Variants in PTPN9 observed in about 807,000 individuals in gnomAD.
PTPN9 encodes tyrosine-protein phosphatase non-receptor type 9.
Under a neutral mutation model 69.8 loss-of-function variants are expected in PTPN9, and 26 were observed. The observed-to-expected ratio is 0.37, with a 90% confidence interval of 0.27 to 0.52. PTPN9 has a LOEUF of 0.52. Among genes scored for constraint, PTPN9 ranks in the 20% least tolerant of loss-of-function variants. The probability of loss-of-function intolerance (pLI) is 0.91; values close to 1 mark genes in which losing one functional copy is unlikely to be tolerated. For synonymous variants in PTPN9, 274 were observed against 272.5 expected (o/e 1.01, Z -0.05); for missense variants, 549 against 740.3 (o/e 0.74, Z 3.00).
At chr15:75,508,709 A>G (rs1441034526) in intron 6 of PTPN9, among the ~76,000 whole-genome samples, 1 of 152,224 alleles carries the variant, frequency 6.6e-6, no homozygotes, top group East Asian at 1.9e-4. Flanking sequence ...TTTAGTTTTG[A>G]ACTTCAAGAA....
rs1022753206 is a variant in PTPN9, at chr15:75,572,716, G to A, written c.63+5998C>T. Among the ~76,000 whole-genome samples, 182 of 151,528 alleles carry A rather than the reference G, an allele frequency of 1.2e-3. 9 individuals are homozygous for A. The East Asian group carries it at 0.024, about 20-fold the overall frequency. ...AGCGAGACTCTGTCTCAAAAAAAAA[G>A]AAAAAAAGAAAGAAAGAAAAAGAAA... On this transcript the variant is annotated intron_variant, in intron 1 of 12. Transcript: ENST00000618819.
In PTPN9 at chr15:75,509,012, G is replaced by A. The variant is rs764715102; in HGVS notation, c.544C>T (p.Arg182Cys). The change falls in exon 6 of 13, where the codon CGT becomes TGT. Residue 182 changes from arginine to cysteine, a missense_variant. By Grantham distance (180) the Arg-to-Cys change is radical (BLOSUM62 -3). Transcript: ENST00000618819. ...CCCACAATCAGCACCTTCTTCAAAC[G>A]AGCTGGAAATGCTCCCTGTGGAGAA... Reference protein sequence around the residue: ...LNLLKGAFPARLKKVLIVGAP... With the variant: ...LNLLKGAFPACLKKVLIVGAP... The A allele has an allele frequency of 3.1e-5, 50 of 1,613,774 alleles. No individual in the cohort carries two copies. Among genetic ancestry groups the A allele is most frequent in the Non-Finnish European group, 3.7e-5 (44 of 1,179,904 alleles).
At chr15:75,572,360 T>C (rs529189857) in intron 1 of PTPN9, among the ~76,000 whole-genome samples, 28 of 151,816 alleles carry the variant, frequency 1.8e-4, no homozygotes, top group Admixed American at 7.2e-4. Flanking sequence ...ACAATGAAGA[T>C]TAATACTTAT....
chr15:75,484,537 T>G (rs1176784931), intron 8 of PTPN9, among the ~76,000 whole-genome samples: 1 of 152,230 alleles, frequency 6.6e-6, no homozygotes. Flanking sequence ...TCAGTCTTAA[T>G]TACTTCAACA....
chr15:75,577,965 G>A (rs1431428446), intron 1 of PTPN9, among the ~76,000 whole-genome samples: 1 of 152,076 alleles, frequency 6.6e-6, no homozygotes, highest in African/African-American at 2.4e-5. Flanking sequence ...AGTTACAAGG[G>A]CCCCCAAAAT....
chr15:75,483,856 G>A (rs544150671), intron 8 of PTPN9, among the ~76,000 whole-genome samples: 57 of 152,260 alleles, frequency 3.7e-4, no homozygotes, highest in African/African-American at 1.3e-3. Context: ...GGGCAGTCAC[G>A]ACCCAGGCAC....
At chr15:75,484,210 T>C (rs1157645056) in intron 8 of PTPN9, among the ~76,000 whole-genome samples, 1 of 152,204 alleles carries the variant, frequency 6.6e-6, no homozygotes, top group Non-Finnish European at 1.5e-5. Flanking sequence ...GAGTGAACTA[T>C]ATAACTCAAT....
intron 7 of PTPN9, among the ~76,000 whole-genome samples, chr15:75,500,291 G>A (rs1275629010): frequency 2.6e-5 from 4 of 152,052 alleles, no homozygotes; most frequent in Admixed American, 1.3e-4. Context: ...TAGCCTGGCC[G>A]AGAGTGAGAC....
At chr15:75,514,100 C>CAAA (rs71140167) in intron 5 of PTPN9, among the ~76,000 whole-genome samples, 26 of 114,894 alleles carry the variant, frequency 2.3e-4, no homozygotes, top group African/African-American at 7.2e-4. Flanking sequence ...CACTCTGTCT[C>CAAA]AAAAAAAAAA....
At chr15:75,531,745 G>C (rs1463807050) in intron 1 of PTPN9, among the ~76,000 whole-genome samples, 1 of 151,848 alleles carries the variant, frequency 6.6e-6, no homozygotes, top group African/African-American at 2.4e-5. Context: ...ATTTTTAATA[G>C]AGACAGGGTT....
intron 1 of PTPN9, among the ~76,000 whole-genome samples, chr15:75,541,867 G>A (rs139481574): frequency 1.8e-4 from 27 of 151,184 alleles, no homozygotes; most frequent in Non-Finnish European, 5.9e-5. Flanking sequence ...GTGAAACCCC[G>A]TCTCTGCTAA....
chr15:75,495,758 GAA>G (rs981258963), intron 7 of PTPN9, among the ~76,000 whole-genome samples: 1 of 151,662 alleles, frequency 6.6e-6, no homozygotes, highest in Admixed American at 6.6e-5. Flanking sequence ...AAAAACAAAA[GAA>G]AAAGAATGAG....
intron 7 of PTPN9, among the ~76,000 whole-genome samples, chr15:75,500,051 C>T (rs944204596): frequency 1.2e-4 from 18 of 151,996 alleles, no homozygotes; most frequent in Non-Finnish European, 2.2e-4. Flanking sequence ...TGGTGGCTCA[C>T]GCCTGTAATC....
chr15:75,547,426 G>A (rs867607028), intron 1 of PTPN9, among the ~76,000 whole-genome samples: 3 of 151,530 alleles, frequency 2.0e-5, no homozygotes, highest in Non-Finnish European at 2.9e-5. Flanking sequence ...GTGAAACCCC[G>A]TCTCTACTAA....
intron 1 of PTPN9, among the ~76,000 whole-genome samples, chr15:75,547,936 G>T (rs991062216): frequency 1.3e-5 from 2 of 152,164 alleles, no homozygotes; most frequent in Non-Finnish European, 2.9e-5. Context: ...AAAGTGCTGG[G>T]ATTACAGGTG....
chr15:75,552,849 G>T (rs550960187), intron 1 of PTPN9, among the ~76,000 whole-genome samples: 1 of 150,048 alleles, frequency 6.7e-6, no homozygotes, highest in South Asian at 2.2e-4. Flanking sequence ...GGGTCATGCT[G>T]ACCATACAGA....
chr15:75,539,195 C>A lies in PTPN9; in HGVS notation c.64-11934G>T, dbSNP rs1262499007. Among the ~76,000 whole-genome samples, 8 of 152,268 alleles carry A rather than the reference C, an allele frequency of 5.3e-5. No individual in the cohort carries two copies. The East Asian group carries it at 1.5e-3, about 29-fold the overall frequency. ...ATCTCTCGACCTCATGATCCGCCCGCCTTGGCCTCCCAAAGTGCTGGGATT... is the reference window on the plus strand; with the variant it reads ...ATCTCTCGACCTCATGATCCGCCCGACTTGGCCTCCCAAAGTGCTGGGATT... On this transcript the variant is annotated intron_variant, in intron 1 of 12. Coordinates refer to ENST00000618819, the MANE Select transcript of PTPN9 (RefSeq NM_002833.4).
chr15:75,559,026 C>T (rs114892025), intron 1 of PTPN9, among the ~76,000 whole-genome samples: 1,654 of 152,102 alleles, frequency 0.011, 34 homozygotes, highest in African/African-American at 0.037. Flanking sequence ...TGCCCGGCTG[C>T]CAGGTCTGGG....
At chr15:75,565,614 G>C (rs960171303) in intron 1 of PTPN9, among the ~76,000 whole-genome samples, 6 of 152,292 alleles carry the variant, frequency 3.9e-5, no homozygotes, top group Admixed American at 1.3e-4. Flanking sequence ...CATACTGATA[G>C]GGAACCAGAG....
Sources: allele counts gnomAD v4.1 joint callset (sites outside exome capture counted in the v4.1 genomes callset), GRCh38; gene constraint gnomAD v4.1.1; transcripts MANE v1.5; gene names NCBI Gene and HGNC (gene_info 2026-07-23, HGNC 2026-07-21).